NIPBL: variants seen among roughly 807,000 people sequenced by gnomAD.
The protein encoded by NIPBL is nipped-B-like protein.
Under a neutral mutation model 321.8 loss-of-function variants are expected in NIPBL, and 19 were observed. The ratio of observed to expected loss-of-function variants is 0.06; its 90% CI spans 0.04 to 0.09. The LOEUF is 0.09. Ranked by LOEUF, NIPBL falls within the 10% of genes least tolerant of loss-of-function variation. NIPBL has a pLI of 1.00. For synonymous variants in NIPBL, 1,106 were observed against 1,114.1 expected, an observed-to-expected ratio of 0.99 and a Z score of 0.14; for missense variants, 2,210 against 3,327.0, an observed-to-expected ratio of 0.66 and a Z score of 8.26.
intron 1 of NIPBL, among the ~76,000 whole-genome samples, chr5:36,892,608 A>G (rs939657951): frequency 2.6e-5 from 4 of 152,232 alleles, no homozygotes; most frequent in African/African-American, 9.6e-5. Flanking sequence ...CTATGCAGCC[A>G]TAAAAAAGGA....
At chr5:36,932,724 C>G (rs1749863050) in intron 1 of NIPBL, among the ~76,000 whole-genome samples, 1 of 147,118 alleles carries the variant, frequency 6.8e-6, no homozygotes, top group African/African-American at 2.5e-5. Context: ...TCTTCCTTTA[C>G]TGCCTTCTTT....
Position 37,016,612 on chromosome 5 carries a change from C to T in NIPBL, c.4777-407C>T, listed in dbSNP as rs542921025. Among the ~76,000 whole-genome samples the T allele has an allele frequency of 6.3e-4, 96 of 152,228 alleles. 4 individuals carry two copies. In the South Asian group the frequency reaches 0.014, roughly 22 times the overall value. On this transcript the variant is annotated intron_variant, in intron 23 of 46. Coordinates refer to ENST00000282516, the MANE Select transcript of NIPBL (RefSeq NM_133433.4). ...ACTCTATTTTTAAACTACATTTGAA[C>T]TTGCACAATACACATTGTTACAAAG...
intron 1 of NIPBL, among the ~76,000 whole-genome samples, chr5:36,950,216 A>G (rs13190327): frequency 0.049 from 7,519 of 152,108 alleles, 262 homozygotes; most frequent in Non-Finnish European, 0.079. Context: ...TTTATAATAG[A>G]TCTTTTAGAA....
At chr5:36,953,458 T>C (rs949352430) in intron 1 of NIPBL, among the ~76,000 whole-genome samples, 160 bp from the exon 2 acceptor site, 1 of 152,246 alleles carries the variant, frequency 6.6e-6, no homozygotes, top group Non-Finnish European at 1.5e-5. Context: ...GCAAAGCACT[T>C]TGCAATTGCT....
intron 1 of NIPBL, among the ~76,000 whole-genome samples, chr5:36,945,737 G>A (rs952150567): frequency 3.3e-5 from 5 of 152,158 alleles, no homozygotes; most frequent in African/African-American, 1.2e-4. Flanking sequence ...TTTTTACAGT[G>A]CAGCTTATTG....
At chr5:37,058,254 G>A (rs61602398) in intron 43 of NIPBL, among the ~76,000 whole-genome samples, 6,126 of 152,214 alleles carry the variant, frequency 0.04, 154 homozygotes, top group South Asian at 0.078. Context: ...TTTCCCAGGA[G>A]CTTTAGCCCT....
chr5:37,014,040 C>T (rs1159458077), intron 21 of NIPBL, among the ~76,000 whole-genome samples: 2 of 152,234 alleles, frequency 1.3e-5, no homozygotes, highest in Non-Finnish European at 2.9e-5. Context: ...ACCCCGTCTC[C>T]ACCAAAAAAA....
At chr5:36,901,071 G>T (rs959006079) in intron 1 of NIPBL, among the ~76,000 whole-genome samples, 1 of 152,232 alleles carries the variant, frequency 6.6e-6, no homozygotes, top group Non-Finnish European at 1.5e-5. Context: ...CATAGTACCT[G>T]ACAGGTAGTT....
At chr5:36,896,483 T>C (rs765111159) in intron 1 of NIPBL, among the ~76,000 whole-genome samples, 1 of 152,114 alleles carries the variant, frequency 6.6e-6, no homozygotes, top group Non-Finnish European at 1.5e-5. Context: ...TTGATAGGGG[T>C]CGTATTAAAT....
intron 9 of NIPBL, among the ~76,000 whole-genome samples, chr5:36,980,783 C>T (rs1402374035): frequency 1.3e-5 from 2 of 151,594 alleles, no homozygotes; most frequent in Non-Finnish European, 3.0e-5. Context: ...AATACATGAC[C>T]GCATTTGAAA....
At chr5:37,059,492 G>C (rs1252396497) in intron 44 of NIPBL, among the ~76,000 whole-genome samples, 1 of 152,166 alleles carries the variant, frequency 6.6e-6, no homozygotes, top group East Asian at 1.9e-4. Context: ...GGGCAACAGA[G>C]CAAGACTCTG....
intron 3 of NIPBL, among the ~76,000 whole-genome samples, chr5:36,957,032 G>A (rs1341137854): frequency 6.6e-6 from 1 of 152,050 alleles, no homozygotes; most frequent in East Asian, 1.9e-4. Context: ...TTTATGGAGA[G>A]CTCCTGTAAG....
chr5:37,035,883 T>A (rs1751628808), intron 32 of NIPBL, among the ~76,000 whole-genome samples: 1 of 152,228 alleles, frequency 6.6e-6, no homozygotes, highest in African/African-American at 2.4e-5. Context: ...TATCCTCATC[T>A]CATTATTCAT....
At chr5:37,046,938 C>CGAA (rs1177784171) in intron 38 of NIPBL, among the ~76,000 whole-genome samples, 1 of 151,820 alleles carries the variant, frequency 6.6e-6, no homozygotes, top group Admixed American at 6.6e-5. Context: ...CCATGGGTTT[C>CGAA]ACATCTGTGG....
At chr5:36,918,511 T>G (rs1480952092) in intron 1 of NIPBL, among the ~76,000 whole-genome samples, 1 of 152,160 alleles carries the variant, frequency 6.6e-6, no homozygotes, top group African/African-American at 2.4e-5. Flanking sequence ...TTGAATACCC[T>G]TTATTTTTTT....
At chr5:36,969,602 T>A (rs1175382985) in intron 6 of NIPBL, among the ~76,000 whole-genome samples, 1 of 152,198 alleles carries the variant, frequency 6.6e-6, no homozygotes, top group Non-Finnish European at 1.5e-5. Context: ...AAGTTTTACA[T>A]GGGTTAAAGA....
intron 30 of NIPBL, among the ~76,000 whole-genome samples, chr5:37,025,086 A>C (rs868165771): frequency 1.3e-5 from 2 of 152,188 alleles, no homozygotes. Flanking sequence ...TAAAATGATG[A>C]AAATAATTTT....
rs892589257 is a variant in NIPBL, at chr5:37,000,862, C to G, written c.3548C>G (p.Ala1183Gly). 3.1e-6 allele frequency: 5 copies of G among 1,612,076 alleles called. No homozygotes were observed. Among genetic ancestry groups the G allele is most frequent in the Non-Finnish European group, 3.4e-6 (4 of 1,178,622 alleles). Residue 1183 changes from alanine (A) to glycine (G), a missense_variant, in exon 13 of 47, where the codon GCA becomes GGA. Coordinates refer to ENST00000282516, the MANE Select transcript of NIPBL (RefSeq NM_133433.4). The stretch of plus-strand genomic sequence containing the variant: ...AAAGAAAAACAGAAGAAAAGGAAAG[C>G]ATATGAACCAAAACTAACACCTGAA... Reference protein sequence around the residue: ...KKKEKQKKRKAYEPKLTPEEM... With the variant: ...KKKEKQKKRKGYEPKLTPEEM...
intron 42 of NIPBL, among the ~76,000 whole-genome samples, chr5:37,056,622 A>C (rs1754117321): frequency 6.6e-6 from 1 of 152,172 alleles, no homozygotes; most frequent in Non-Finnish European, 1.5e-5. Flanking sequence ...TTATGAGTAC[A>C]TGGGATTTGG....
Sources: allele counts gnomAD v4.1 joint callset (sites outside exome capture counted in the v4.1 genomes callset), GRCh38; gene constraint gnomAD v4.1.1; transcripts MANE v1.5; gene names NCBI Gene and HGNC (gene_info 2026-07-23, HGNC 2026-07-21).